The following INPP5A variants were observed in gnomAD, a reference collection of about 807,000 sequenced individuals.
The protein encoded by INPP5A is inositol polyphosphate-5-phosphatase A.
In INPP5A, 14 loss-of-function variants were observed where a neutral mutation model predicts 65.2. That is an observed-to-expected ratio of 0.21 (90% CI 0.14 to 0.34). INPP5A has a LOEUF of 0.34. Among genes scored for constraint, INPP5A ranks in the 10% least tolerant of loss-of-function variants. The pLI is 1.00. For missense variants in INPP5A, 431 were observed against 545.6 expected, an observed-to-expected ratio of 0.79 and a Z score of 2.09; for synonymous variants, 207 against 208.3, an observed-to-expected ratio of 0.99 and a Z score of 0.05.
chr10:132,778,676 ACT>A (rs1847105188), intron 13 of INPP5A, among the ~76,000 whole-genome samples: 1 of 151,950 alleles, frequency 6.6e-6, no homozygotes, highest in Non-Finnish European at 1.5e-5. Flanking sequence ...GAGGCTGGAG[ACT>A]CTGGTGGTTC....
At position 132,741,515 on chromosome 10, in the gene INPP5A, G is replaced by A. The variant is rs146631389; in HGVS notation, c.733-8002G>A. On this transcript the variant is annotated intron_variant, in intron 9 of 15. Transcript: ENST00000368594. The surrounding 1 kb of genome is among the most constrained non-coding windows in gnomAD (Gnocchi z 4.4). The stretch of plus-strand genomic sequence containing the variant: ...AGGATACCCCCGAATGAAGCTGGAG[G>A]CTGCTGTCCACTCCACAGAACCCTG... Among the ~76,000 whole-genome samples the A allele has an allele frequency of 5.8e-3, 889 of 152,244 alleles. 13 individuals carry two copies. The highest frequency in any genetic ancestry group is 0.021 in the African/African-American group (859 of 41,528).
At position 132,546,149 on chromosome 10, in the gene INPP5A, G is replaced by A. The variant is rs1438592557; in HGVS notation, c.75+7978G>A. 6.6e-6 allele frequency among the ~76,000 whole-genome samples: 1 copy of A among 152,236 alleles called. No homozygotes were observed. The highest frequency in any genetic ancestry group is 2.4e-5 in the African/African-American group (1 of 41,462). On this transcript the variant is annotated intron_variant, in intron 1 of 15. Coordinates refer to ENST00000368594, the MANE Select transcript of INPP5A (RefSeq NM_005539.5). This position sits in a 1 kb window ranked among gnomAD's most constrained non-coding sequence, Gnocchi z 5.7. ...TCATGTGACCGAGGACGCTTCCGAG[G>A]ATGTGGAAGCCACCAGTCGTCCTGG...
At chr10:132,573,836 G>C (rs2071382050) in intron 1 of INPP5A, among the ~76,000 whole-genome samples, 1 of 137,730 alleles carries the variant, frequency 7.3e-6, no homozygotes, top group Non-Finnish European at 1.5e-5. Context: ...TTGAGATGTT[G>C]GGGTGTGTGT....
At chr10:132,586,860 C>CAT (rs2071551671) in intron 1 of INPP5A, among the ~76,000 whole-genome samples, 3 of 152,118 alleles carry the variant, frequency 2.0e-5, no homozygotes, top group Admixed American at 6.5e-5. Context: ...TTCTCTCCTG[C>CAT]GCGTCAGAAG....
In INPP5A at chr10:132,616,652, G is replaced by A. The variant is rs1226821990; in HGVS notation, c.117+8696G>A. 1.3e-5 allele frequency among the ~76,000 whole-genome samples: 2 copies of A among 151,946 alleles called. No individual in the cohort carries two copies. The highest frequency in any genetic ancestry group is 2.4e-5 in the African/African-American group (1 of 41,336). On this transcript the variant is annotated intron_variant, in intron 2 of 15. Coordinates refer to ENST00000368594, the MANE Select transcript of INPP5A (RefSeq NM_005539.5). The surrounding 1 kb of genome is among the most constrained non-coding windows in gnomAD (Gnocchi z 4.9). ...GGGACATGGTAGTGACATGGGACAT[G>A]GTGACAGGGTAGGGTGTGGTGGTGA...
intron 4 of INPP5A, among the ~76,000 whole-genome samples, chr10:132,658,887 G>A (rs2072697210): frequency 6.6e-6 from 1 of 152,172 alleles, no homozygotes; most frequent in Non-Finnish European, 1.5e-5. Flanking sequence ...GCACCCGGCA[G>A]GAGAGTGGAA....
intron 1 of INPP5A, among the ~76,000 whole-genome samples, chr10:132,576,103 G>A (rs1211744776): frequency 6.6e-6 from 1 of 152,186 alleles, no homozygotes; most frequent in Non-Finnish European, 1.5e-5. Context: ...TGTGTGTGCT[G>A]AGCCTCTGAG....
intron 8 of INPP5A, among the ~76,000 whole-genome samples, chr10:132,725,465 C>T (rs1366496572): frequency 6.6e-6 from 1 of 152,250 alleles, no homozygotes. Context: ...AACAAGACCA[C>T]ATAAGAACTG....
chr10:132,721,811 T>C (rs1000027909), intron 8 of INPP5A, among the ~76,000 whole-genome samples: 2 of 152,130 alleles, frequency 1.3e-5, no homozygotes, highest in African/African-American at 4.8e-5. Context: ...GTGCCTAGGT[T>C]CTGTCTGGGG....
chr10:132,699,046 G>A (rs879569480), intron 6 of INPP5A, among the ~76,000 whole-genome samples: 5 of 152,232 alleles, frequency 3.3e-5, no homozygotes, highest in Non-Finnish European at 4.4e-5. Context: ...GGCACCGCCC[G>A]TTTGCCTCCC....
intron 1 of INPP5A, among the ~76,000 whole-genome samples, chr10:132,606,594 T>C (rs1466460539): frequency 1.3e-5 from 2 of 152,262 alleles, no homozygotes; most frequent in Non-Finnish European, 2.9e-5. Context: ...TTAATTTATC[T>C]AAAATTCAGT....
chr10:132,585,529 A>G (rs1590847674), intron 1 of INPP5A, among the ~76,000 whole-genome samples: 1 of 152,302 alleles, frequency 6.6e-6, no homozygotes, highest in African/African-American at 2.4e-5. Flanking sequence ...GGGGTTTGGT[A>G]CTAGCTGCCG....
At chr10:132,681,247 C>A (rs569790160) in intron 4 of INPP5A, among the ~76,000 whole-genome samples, 33 of 152,122 alleles carry the variant, frequency 2.2e-4, no homozygotes, top group Admixed American at 5.9e-4. Flanking sequence ...AGATAAGAGA[C>A]TAAAAGCAAG....
At position 132,616,774 on chromosome 10, in the gene INPP5A, A is replaced by T. The variant is rs1164645271; in HGVS notation, c.117+8818A>T. Among the ~76,000 whole-genome samples the T allele has an allele frequency of 6.7e-6, 1 of 149,264 alleles. No homozygotes were observed. Among genetic ancestry groups the T allele is most frequent in the Non-Finnish European group, 1.5e-5 (1 of 67,370 alleles). On this transcript the variant is annotated intron_variant, in intron 2 of 15. Transcript: ENST00000368594. This position sits in a 1 kb window ranked among gnomAD's most constrained non-coding sequence, Gnocchi z 4.9. Reference sequence around the variant, plus strand: ...GGTGATGGGGGACGTGGCGTGGGGGATATGGGGTCCTGGATCTCCTGTAGC... The same window carrying T: ...GGTGATGGGGGACGTGGCGTGGGGGTTATGGGGTCCTGGATCTCCTGTAGC...
intron 2 of INPP5A, among the ~76,000 whole-genome samples, chr10:132,640,547 C>T (rs1446981878): frequency 2.0e-5 from 3 of 152,262 alleles, no homozygotes; most frequent in African/African-American, 7.2e-5. Context: ...ATAAGAGGCT[C>T]GCCCTGTGTA....
rs947729455 is a variant in INPP5A at position 132,673,581 on chromosome 10, T to G, written c.307-16811T>G. 3.3e-5 allele frequency among the ~76,000 whole-genome samples: 5 copies of G among 152,184 alleles called. No homozygotes were observed. The East Asian group carries it at 9.6e-4, about 29-fold the overall frequency. ...ATGATGGGGAACATGGTAAGACCAG[T>G]GAATTCCATGAGCATGAGCCCCCTG... On this transcript the variant is annotated intron_variant, in intron 4 of 15. Coordinates refer to ENST00000368594, the MANE Select transcript of INPP5A (RefSeq NM_005539.5).
intron 12 of INPP5A, among the ~76,000 whole-genome samples, chr10:132,776,127 A>C (rs12784407): frequency 1.3e-5 from 2 of 152,036 alleles, no homozygotes; most frequent in South Asian, 2.1e-4. Flanking sequence ...CCTCTCAAAC[A>C]TGTGAAATGG....
At chr10:132,572,044 G>GGAC (rs1250920470) in intron 1 of INPP5A, among the ~76,000 whole-genome samples, 1 of 152,224 alleles carries the variant, frequency 6.6e-6, no homozygotes, top group Non-Finnish European at 1.5e-5. Context: ...ATGCAGCACA[G>GGAC]GACGAGCCTG....
At chr10:132,580,643 G>T (rs939300460) in intron 1 of INPP5A, among the ~76,000 whole-genome samples, 14 of 152,198 alleles carry the variant, frequency 9.2e-5, no homozygotes, top group Non-Finnish European at 1.8e-4. Flanking sequence ...GATTCTTAAA[G>T]ACACATGTGA....
Sources: gnomAD v4.1 joint callset for allele counts (sites outside exome capture counted in the v4.1 genomes callset) on GRCh38, gnomAD v4.1.1 for gene constraint, Gnocchi (gnomAD v3.1) non-coding constraint, MANE v1.5 for transcripts, NCBI Gene and HGNC (gene_info 2026-07-23, HGNC 2026-07-21) for gene names.